MDGA2: variants seen among roughly 807,000 people sequenced by gnomAD.
The protein encoded by MDGA2 is MAM domain-containing glycosylphosphatidylinositol anchor protein 2.
Under a neutral mutation model 117.8 loss-of-function variants are expected in MDGA2, and 40 were observed. The observed-to-expected ratio is 0.34, with a 90% CI of 0.26 to 0.44. The LOEUF (loss-of-function observed/expected upper bound fraction) is 0.44. Ranked by LOEUF, MDGA2 falls within the 20% of genes least tolerant of loss-of-function variation. MDGA2 has a pLI of 1.00. For synonymous variants in MDGA2, 452 were observed against 439.0 expected, an observed-to-expected ratio of 1.03 and a Z score of -0.37; for missense variants, 1,123 against 1,250.6, an observed-to-expected ratio of 0.90 and a Z score of 1.54.
intron 3 of MDGA2, among the ~76,000 whole-genome samples, chr14:47,196,035 T>C (rs1273732534): frequency 6.6e-6 from 1 of 152,006 alleles, no homozygotes; most frequent in African/African-American, 2.4e-5. Flanking sequence ...AATAGTAAAC[T>C]TATAAGGAAG....
In MDGA2 at chr14:47,150,226, C is replaced by G. The variant is rs1286676825; in HGVS notation, c.596-5952G>C. On this transcript the variant is annotated intron_variant, in intron 3 of 16. Coordinates refer to ENST00000399232, the MANE Select transcript of MDGA2 (RefSeq NM_001113498.3). ...AGTCCATAAACTCAGATGTAACCTC[C>G]CGTAAGATTCCCCTTGTTCCCAACC... Among the ~76,000 whole-genome samples the G allele has an allele frequency of 2.0e-5, 3 of 152,156 alleles. No homozygotes were observed. The East Asian group carries it at 5.8e-4, about 29-fold the overall frequency.
intron 1 of MDGA2, among the ~76,000 whole-genome samples, chr14:47,435,706 T>C (rs1424945172): frequency 6.6e-6 from 1 of 152,116 alleles, no homozygotes; most frequent in African/African-American, 2.4e-5. Flanking sequence ...AAAATGCTAG[T>C]CCTGCCAAAC....
At chr14:47,027,641 A>ATATATATT (rs1287694349) in intron 8 of MDGA2, among the ~76,000 whole-genome samples, 4 of 149,558 alleles carry the variant, frequency 2.7e-5, no homozygotes, top group African/African-American at 9.8e-5. Flanking sequence ...ATATATATAT[A>ATATATATT]TATGCAATGC....
chr14:47,576,071 T>C (rs929605933), intron 1 of MDGA2, among the ~76,000 whole-genome samples: 6 of 152,176 alleles, frequency 3.9e-5, no homozygotes, highest in Non-Finnish European at 5.9e-5. Context: ...GAAGCTGAAG[T>C]ACAAATCTGA....
chr14:47,134,353 G>A (rs1882351366), intron 4 of MDGA2, among the ~76,000 whole-genome samples: 1 of 151,938 alleles, frequency 6.6e-6, no homozygotes, highest in Admixed American at 6.6e-5. Flanking sequence ...TTTACTATTT[G>A]TTTGGCACTG....
intron 1 of MDGA2, among the ~76,000 whole-genome samples, chr14:47,521,179 G>A (rs1013322966): frequency 1.3e-5 from 2 of 152,112 alleles, no homozygotes; most frequent in Non-Finnish European, 2.9e-5. Flanking sequence ...GAGCATCTTA[G>A]TCATTGGTTC....
At chr14:47,349,662 A>G (rs1317649052) in intron 1 of MDGA2, among the ~76,000 whole-genome samples, 4 of 152,238 alleles carry the variant, frequency 2.6e-5, no homozygotes, top group Admixed American at 1.3e-4. Flanking sequence ...TAAAAAAAAC[A>G]TGAATTAGTT....
chr14:47,372,765 T>C (rs1239394027), intron 1 of MDGA2, among the ~76,000 whole-genome samples: 1 of 152,002 alleles, frequency 6.6e-6, no homozygotes, highest in Non-Finnish European at 1.5e-5. Flanking sequence ...AAAATGATTA[T>C]CGTAGCTTTG....
rs1028857987 is a variant in MDGA2, at chr14:47,107,904, G to A, written c.926-10781C>T. On this transcript the variant is annotated intron_variant, in intron 5 of 16. Coordinates refer to ENST00000399232, the MANE Select transcript of MDGA2 (RefSeq NM_001113498.3). ...AGGCCTTTCCTACAGGGTCTGAGAA[G>A]GCCACCGCAGTCATCTCTTCCGTTC... Among the ~76,000 whole-genome samples the A allele has an allele frequency of 4.2e-4, 63 of 151,672 alleles. 1 individual carries two copies. Among genetic ancestry groups the A allele is most frequent in the African/African-American group, 1.5e-3 (62 of 41,190 alleles).
intron 1 of MDGA2, among the ~76,000 whole-genome samples, chr14:47,666,818 C>A (rs575898389): frequency 6.6e-6 from 1 of 152,094 alleles, no homozygotes; most frequent in Non-Finnish European, 1.5e-5. Context: ...ACACTCACTG[C>A]GAAGGTCTAC....
intron 14 of MDGA2, among the ~76,000 whole-genome samples, chr14:46,866,860 T>C (rs138588512): frequency 4.7e-4 from 71 of 151,898 alleles, no homozygotes; most frequent in Admixed American, 8.5e-4. Flanking sequence ...TCGCACCAGT[T>C]AGAATGGCAA....
intron 1 of MDGA2, among the ~76,000 whole-genome samples, chr14:47,365,945 G>A (rs552135334): frequency 7.9e-5 from 12 of 152,048 alleles, no homozygotes; most frequent in African/African-American, 2.2e-4. Flanking sequence ...GGCTTTTCTC[G>A]GAAGCTCTTT....
chr14:47,085,209 A>T (rs1890853732), intron 6 of MDGA2, among the ~76,000 whole-genome samples: 1 of 152,192 alleles, frequency 6.6e-6, no homozygotes, highest in Admixed American at 6.6e-5. Context: ...AAAAACAGAA[A>T]ATAATAAAAT....
At chr14:47,439,136 G>A (rs541058945) in intron 1 of MDGA2, among the ~76,000 whole-genome samples, 1 of 152,158 alleles carries the variant, frequency 6.6e-6, no homozygotes, top group South Asian at 2.1e-4. Context: ...AAAAAGAAAG[G>A]CAAGGAAGAG....
At chr14:46,971,955 A>G (rs1042511391) in intron 8 of MDGA2, among the ~76,000 whole-genome samples, 4 of 152,270 alleles carry the variant, frequency 2.6e-5, no homozygotes, top group Admixed American at 1.3e-4. Flanking sequence ...GAAACAATGG[A>G]AAGTAAAACC....
intron 2 of MDGA2, among the ~76,000 whole-genome samples, chr14:47,293,863 A>G (rs1209617395): frequency 6.6e-6 from 1 of 152,156 alleles, no homozygotes; most frequent in Non-Finnish European, 1.5e-5. Context: ...AGTATTAGCA[A>G]TTTAGGAGTA....
chr14:47,221,460 A>C (rs925198975), intron 2 of MDGA2, among the ~76,000 whole-genome samples: 3 of 152,142 alleles, frequency 2.0e-5, no homozygotes, highest in Admixed American at 2.0e-4. Flanking sequence ...AGGCCGAGGC[A>C]GGCGGATCAC....
intron 3 of MDGA2, among the ~76,000 whole-genome samples, chr14:47,150,923 CA>C (rs34212740): frequency 0.22 from 17,948 of 82,450 alleles, 907 homozygotes; most frequent in East Asian, 0.36. Context: ...GACTCTGTCT[CA>C]AAAAAAAAAA....
At chr14:47,002,088 G>A (rs1274821803) in intron 8 of MDGA2, among the ~76,000 whole-genome samples, 1 of 152,000 alleles carries the variant, frequency 6.6e-6, no homozygotes, top group Non-Finnish European at 1.5e-5. Context: ...AAACAGGACT[G>A]GTGGGCACTA....
Sources: gnomAD v4.1 joint callset for allele counts (sites outside exome capture counted in the v4.1 genomes callset) on GRCh38, gnomAD v4.1.1 for gene constraint, MANE v1.5 for transcripts, NCBI Gene and HGNC (gene_info 2026-07-23, HGNC 2026-07-21) for gene names.